Variants in UBE3D observed in about 807,000 individuals in gnomAD.
UBE3D encodes the protein ubiquitin protein ligase E3D.
A neutral mutation model predicts 49.6 loss-of-function variants in UBE3D; 48 were observed. The observed-to-expected ratio is 0.97, with a 90% CI of 0.77 to 1.23. The LOEUF is 1.23. Among genes scored for constraint, UBE3D ranks in the 50% most tolerant of loss-of-function variants. The pLI, the probability that UBE3D is intolerant of heterozygous loss-of-function variation, is 0.00. For missense variants in UBE3D, 452 were observed against 468.4 expected, an observed-to-expected ratio of 0.96 and a Z score of 0.32; for synonymous variants, 189 against 174.2, an observed-to-expected ratio of 1.08 and a Z score of -0.67.
chr6:82,998,281 T>C (rs1390789070), intron 8 of UBE3D, among the ~76,000 whole-genome samples: 1 of 152,204 alleles, frequency 6.6e-6, no homozygotes, highest in Non-Finnish European at 1.5e-5. Context: ...CAAGTGATAA[T>C]GAAAGAAACT....
At chr6:82,936,281 A>G (rs774243376) in intron 9 of UBE3D, among the ~76,000 whole-genome samples, 7 of 152,208 alleles carry the variant, frequency 4.6e-5, no homozygotes, top group Non-Finnish European at 8.8e-5. Context: ...TACCAAGAAC[A>G]AAGCCTTCTA....
intron 8 of UBE3D, among the ~76,000 whole-genome samples, chr6:83,012,328 G>A (rs1582634476): frequency 6.6e-6 from 1 of 152,306 alleles, no homozygotes; most frequent in African/African-American, 2.4e-5. Context: ...CCAAACAGCT[G>A]GCTGATCACC....
At chr6:82,929,643 C>T (rs546409919) in intron 9 of UBE3D, among the ~76,000 whole-genome samples, 12 of 152,094 alleles carry the variant, frequency 7.9e-5, no homozygotes, top group South Asian at 2.1e-4. Context: ...AAGCTTTCCC[C>T]CTTTCTTCTT....
At chr6:82,920,644 C>T (rs1027633154) in intron 9 of UBE3D, among the ~76,000 whole-genome samples, 1 of 152,172 alleles carries the variant, frequency 6.6e-6, no homozygotes, top group Non-Finnish European at 1.5e-5. Flanking sequence ...TAAATGAGAT[C>T]TTCCTAATAA....
chr6:82,947,857 C>T (rs1775518889), intron 9 of UBE3D, among the ~76,000 whole-genome samples: 1 of 151,934 alleles, frequency 6.6e-6, no homozygotes, highest in South Asian at 2.1e-4. Flanking sequence ...CTATGGAATA[C>T]AGCAAAAGTA....
At chr6:82,965,126 A>G (rs1012693562) in intron 8 of UBE3D, among the ~76,000 whole-genome samples, 2 of 152,210 alleles carry the variant, frequency 1.3e-5, no homozygotes, top group Non-Finnish European at 2.9e-5. Context: ...CCCACACATC[A>G]GAAAGCATTG....
At chr6:82,944,204 C>T (rs1317544267) in intron 9 of UBE3D, among the ~76,000 whole-genome samples, 1 of 152,206 alleles carries the variant, frequency 6.6e-6, no homozygotes, top group East Asian at 1.9e-4. Flanking sequence ...AGACCCCTTC[C>T]TTTCACTTGA....
At chr6:82,900,066 C>T (rs376617896) in intron 9 of UBE3D, among the ~76,000 whole-genome samples, 3 of 152,144 alleles carry the variant, frequency 2.0e-5, no homozygotes, top group African/African-American at 4.8e-5. Flanking sequence ...TTTCTCCTTC[C>T]TATGGAATAT....
chr6:83,046,077 G>A (rs945149663), intron 3 of UBE3D, among the ~76,000 whole-genome samples: 1 of 152,154 alleles, frequency 6.6e-6, no homozygotes, highest in East Asian at 1.9e-4. Context: ...CATCAAATCA[G>A]AGAATATATC....
At chr6:83,028,801 C>T (rs9353118) in intron 5 of UBE3D, among the ~76,000 whole-genome samples, 97,200 of 151,926 alleles carry the variant, frequency 0.64, 31,900 homozygotes, top group East Asian at 0.78. Flanking sequence ...ACAGCAGGTA[C>T]GATAGGAATC....
chr6:83,057,696 C>A, intron 2 of UBE3D, 130 bp downstream of exon 2: 1 of 823,846 alleles, frequency 1.2e-6, no homozygotes, highest in Non-Finnish European at 1.9e-6. Flanking sequence ...CAATAACTGG[C>A]AGAGCTGACA....
chr6:83,007,248 T>C (rs1780040809), intron 8 of UBE3D, among the ~76,000 whole-genome samples: 1 of 152,158 alleles, frequency 6.6e-6, no homozygotes, highest in Non-Finnish European at 1.5e-5. Flanking sequence ...TCAATATATT[T>C]TGTGAGAAAA....
intron 9 of UBE3D, among the ~76,000 whole-genome samples, chr6:82,948,919 T>C (rs117538005): frequency 1.2e-3 from 181 of 152,188 alleles, no homozygotes; most frequent in Non-Finnish European, 1.7e-3. Flanking sequence ...AGTATCATAC[T>C]GAATGGGGAA....
At chr6:83,051,562 C>G (rs2127836310) in intron 3 of UBE3D, among the ~76,000 whole-genome samples, 1 of 152,248 alleles carries the variant, frequency 6.6e-6, no homozygotes, top group East Asian at 1.9e-4. Context: ...CTAGGAATCC[C>G]TATTGTTGTC....
chr6:83,063,412 TAAA>T (rs201669450), intron 1 of UBE3D, among the ~76,000 whole-genome samples: 1 of 45,494 alleles, frequency 2.2e-5, no homozygotes, highest in South Asian at 7.7e-4. Flanking sequence ...AGACGCTGTC[TAAA>T]AAAAAAAAAA....
chr6:83,040,249 T>C (rs1782567131), intron 4 of UBE3D, among the ~76,000 whole-genome samples: 1 of 151,928 alleles, frequency 6.6e-6, no homozygotes, highest in Non-Finnish European at 1.5e-5. Flanking sequence ...CTGGGCGTCG[T>C]GGTGCGCGCT....
chr6:83,004,213 T>C (rs1162021046), intron 8 of UBE3D, among the ~76,000 whole-genome samples: 1 of 152,186 alleles, frequency 6.6e-6, no homozygotes, highest in East Asian at 1.9e-4. Context: ...ACAATACATT[T>C]TGGGGAGTAA....
intron 7 of UBE3D, among the ~76,000 whole-genome samples, chr6:83,019,902 CTG>C (rs1780966247): frequency 6.6e-6 from 1 of 152,122 alleles, no homozygotes; most frequent in Admixed American, 6.5e-5. Flanking sequence ...CAGGGAGGGA[CTG>C]TGGCGGACAG....
intron 8 of UBE3D, among the ~76,000 whole-genome samples, chr6:83,000,757 T>A (rs920275453): frequency 6.6e-6 from 1 of 152,150 alleles, no homozygotes; most frequent in African/African-American, 2.4e-5. Flanking sequence ...CCATCCCTTG[T>A]ACTCACTGTA....
Sources: allele counts gnomAD v4.1 joint callset (sites outside exome capture counted in the v4.1 genomes callset), GRCh38; gene constraint gnomAD v4.1.1; transcripts MANE v1.5; gene names NCBI Gene and HGNC (gene_info 2026-07-23, HGNC 2026-07-21).